The following KIAA0319L variants were observed in gnomAD, a reference collection of about 807,000 sequenced individuals.
KIAA0319L encodes dyslexia-associated protein KIAA0319-like protein.
A neutral mutation model predicts 120.1 loss-of-function variants in KIAA0319L; 55 were observed. That is an observed-to-expected ratio of 0.46 (90% CI 0.37 to 0.57). The LOEUF (loss-of-function observed/expected upper bound fraction) is 0.57, where lower values mean the gene tolerates loss of function less well. Among genes scored for constraint, KIAA0319L ranks in the 20% least tolerant of loss-of-function variants. The probability of loss-of-function intolerance (pLI) is 0.00; values close to 1 mark genes in which losing one functional copy is unlikely to be tolerated. For missense variants in KIAA0319L, 1,049 were observed against 1,255.3 expected, an observed-to-expected ratio of 0.84 and a Z score of 2.48; for synonymous variants, 398 against 471.9, an observed-to-expected ratio of 0.84 and a Z score of 2.03.
At chr1:35,531,060 G>A (rs1331615719) in intron 2 of KIAA0319L, among the ~76,000 whole-genome samples, 1 of 152,218 alleles carries the variant, frequency 6.6e-6, no homozygotes, top group Non-Finnish European at 1.5e-5. Flanking sequence ...CCCCAGGCAG[G>A]TAGGTTTCAG....
Position 35,554,530 on chromosome 1 carries a change from A to G in KIAA0319L, c.-28-11T>C. The stretch of plus-strand genomic sequence containing the variant: ...GGCAGAACCAGTACACTAGAAGGAC[A>G]GAAAGAGAAGAAATTACATGCCGAG... On this transcript the variant is annotated splice_polypyrimidine_tract_variant and intron_variant, in intron 1 of 20. Transcript: ENST00000325722. The G allele has an allele frequency of 6.7e-7, 1 of 1,482,256 alleles. No individual in the cohort carries two copies. The highest frequency in any genetic ancestry group is 9.1e-7 in the Non-Finnish European group (1 of 1,101,036). The allele number at this position is 1,482,256 out of a possible 1,614,324, so 91.8% of individuals were successfully genotyped here. A position where few individuals can be genotyped will look rare whatever the true frequency, so the allele number is the denominator to read the frequency against.
rs1306279758 is a variant in KIAA0319L at position 35,502,093 on chromosome 1, A to C, written c.666+4519T>G. Among the ~76,000 whole-genome samples, 6 of 152,028 alleles carry C rather than the reference A, an allele frequency of 3.9e-5. No individual in the cohort carries two copies. The East Asian group carries it at 9.7e-4, about 25-fold the overall frequency. On this transcript the variant is annotated intron_variant, in intron 3 of 20. Transcript: ENST00000325722. ...GGAGATCGAGACCACCCTGGCCAAC[A>C]TGGTGAAATGCCATCTCTACTAAAA...
intron 2 of KIAA0319L, among the ~76,000 whole-genome samples, chr1:35,552,245 C>A (rs748543777): frequency 2.0e-5 from 3 of 151,920 alleles, no homozygotes; most frequent in African/African-American, 4.8e-5. Flanking sequence ...GGGAGGCTGA[C>A]GCAGGAGAAT....
intron 3 of KIAA0319L, among the ~76,000 whole-genome samples, chr1:35,486,295 GATGGCTCATGCCAGGGAAGTCAAGGCTGC>G (rs1644381870): frequency 6.7e-6 from 1 of 149,570 alleles, no homozygotes; most frequent in African/African-American, 2.5e-5. Flanking sequence ...GAGGTGGGAG[GATGGCTCATGCCAGGGAAGTCAAGGCTGC>G]AGTGAGCCAT....
chr1:35,478,326 A>G (rs1360768704), intron 4 of KIAA0319L, among the ~76,000 whole-genome samples: 1 of 152,122 alleles, frequency 6.6e-6, no homozygotes, highest in Non-Finnish European at 1.5e-5. Context: ...AGCTAGAAAG[A>G]ACAAATAAGA....
chr1:35,468,433 C>A (rs1643414111), intron 6 of KIAA0319L, among the ~76,000 whole-genome samples: 1 of 152,142 alleles, frequency 6.6e-6, no homozygotes, highest in African/African-American at 2.4e-5. Flanking sequence ...GGTTGATGTG[C>A]AAATATATCT....
At chr1:35,488,911 A>T (rs918232803) in intron 3 of KIAA0319L, among the ~76,000 whole-genome samples, 2 of 152,246 alleles carry the variant, frequency 1.3e-5, no homozygotes, top group Admixed American at 1.3e-4. Flanking sequence ...TGAATAAAGA[A>T]GAGACAGCAA....
chr1:35,538,590 C>CAAAA (rs757522421), intron 2 of KIAA0319L, among the ~76,000 whole-genome samples: 6 of 31,910 alleles, frequency 1.9e-4, no homozygotes, highest in Non-Finnish European at 3.3e-4. Flanking sequence ...AACTCTGTCT[C>CAAAA]AAAAAAAAAA....
chr1:35,506,473 A>C lies in KIAA0319L; in HGVS notation c.666+139T>G. On this transcript the variant is annotated intron_variant, in intron 3 of 20. Transcript: ENST00000325722. The surrounding 1 kb of genome is among the most constrained non-coding windows in gnomAD (Gnocchi z 4.0). ...TTTGTACATCTGGGCAGCACCAAAG[A>C]AGCTGACACCAAGCAGCTTTATATA... 1 of 771,174 alleles carries C rather than the reference A, an allele frequency of 1.3e-6. No homozygotes were observed. Among genetic ancestry groups the C allele is most frequent in the East Asian group, 2.5e-5 (1 of 39,836 alleles). The allele number at this position is 771,174 out of a possible 1,614,324, so 47.8% of individuals were successfully genotyped here.
At chr1:35,463,029 T>G (rs925286216) in intron 7 of KIAA0319L, among the ~76,000 whole-genome samples, 1 of 152,200 alleles carries the variant, frequency 6.6e-6, no homozygotes, top group Non-Finnish European at 1.5e-5. Context: ...GAGAATCTAA[T>G]GCCATCACTG....
chr1:35,441,766 T>A (rs1641238278), intron 19 of KIAA0319L, among the ~76,000 whole-genome samples: 1 of 151,992 alleles, frequency 6.6e-6, no homozygotes, highest in African/African-American at 2.4e-5. Flanking sequence ...GAAGACTCAA[T>A]AGGAAGACTC....
At chr1:35,443,192 G>A (rs1641355228) in intron 17 of KIAA0319L, 164 bp from the exon 18 acceptor site, 10 of 698,496 alleles carry the variant, frequency 1.4e-5, no homozygotes, top group South Asian at 3.8e-5. Context: ...CATCTCGACT[G>A]GACAAAACTG....
chr1:35,455,615 C>T (rs1232555820), intron 10 of KIAA0319L, among the ~76,000 whole-genome samples: 1 of 119,766 alleles, frequency 8.3e-6, no homozygotes, highest in Non-Finnish European at 1.6e-5. Flanking sequence ...GAGTCTTGCT[C>T]TGTCACCCAG....
Position 35,478,496 on chromosome 1 carries a change from G to C in KIAA0319L, c.913+470C>G, listed in dbSNP as rs554847807. 1.2e-3 allele frequency among the ~76,000 whole-genome samples: 181 copies of C among 152,200 alleles called. 1 individual carries two copies. The highest frequency in any genetic ancestry group is 1.7e-3 in the Non-Finnish European group (117 of 68,012). Reference sequence around the variant, plus strand: ...TTACATGATGTGATTATTACACATTGCATGTCTGCATCAAAGTATCTCATG... The same window carrying C: ...TTACATGATGTGATTATTACACATTCCATGTCTGCATCAAAGTATCTCATG... On this transcript the variant is annotated intron_variant, in intron 4 of 20. Coordinates refer to ENST00000325722, the MANE Select transcript of KIAA0319L (RefSeq NM_024874.5).
chr1:35,440,948 C>T, intron 20 of KIAA0319L, 99 bp downstream of exon 20: 1 of 926,932 alleles, frequency 1.1e-6, no homozygotes, highest in Non-Finnish European at 1.8e-6. Context: ...TTTGCAAGCA[C>T]AGTGGGCTGT....
intron 5 of KIAA0319L, among the ~76,000 whole-genome samples, chr1:35,471,661 A>T (rs1251560124): frequency 2.0e-5 from 3 of 152,154 alleles, no homozygotes; most frequent in African/African-American, 7.2e-5. Flanking sequence ...ATTTTTTTGG[A>T]TCAAAATGCA....
intron 2 of KIAA0319L, among the ~76,000 whole-genome samples, chr1:35,512,076 C>G (rs1645468616): frequency 2.0e-5 from 3 of 151,922 alleles, no homozygotes; most frequent in Admixed American, 1.3e-4. Context: ...TCGAGACCAG[C>G]CTGGCCAACA....
intron 2 of KIAA0319L, among the ~76,000 whole-genome samples, chr1:35,547,794 G>T (rs1258539981): frequency 6.6e-6 from 1 of 152,114 alleles, no homozygotes; most frequent in African/African-American, 2.4e-5. Flanking sequence ...TGAGAAAAAA[G>T]TTCTGGAATT....
chr1:35,538,535 G>T (rs929179307), intron 2 of KIAA0319L, among the ~76,000 whole-genome samples: 2 of 140,914 alleles, frequency 1.4e-5, no homozygotes, highest in African/African-American at 5.4e-5. Flanking sequence ...AGACTGCAGT[G>T]AGCTGAGATC....
Sources: gnomAD v4.1 joint callset for allele counts (sites outside exome capture counted in the v4.1 genomes callset) on GRCh38, gnomAD v4.1.1 for gene constraint, Gnocchi (gnomAD v3.1) non-coding constraint, MANE v1.5 for transcripts, NCBI Gene and HGNC (gene_info 2026-07-23, HGNC 2026-07-21) for gene names.